Variants in DCC observed in about 807,000 individuals in gnomAD.
DCC encodes the protein DCC netrin 1 receptor.
DCC carries 58 observed loss-of-function variants against 172.5 expected under a neutral mutation model. That is an observed-to-expected ratio of 0.34 (90% CI 0.27 to 0.42). The LOEUF is 0.42. Among genes scored for constraint, DCC ranks in the 10% least tolerant of loss-of-function variants. The pLI, the probability that DCC is intolerant of heterozygous loss-of-function variation, is 1.00. For missense variants in DCC, 1,740 were observed against 1,791.0 expected (o/e 0.97, Z 0.51); for synonymous variants, 709 against 644.5 (o/e 1.10, Z -1.52).
At chr18:52,446,548 T>C (rs747346275) in intron 1 of DCC, among the ~76,000 whole-genome samples, 102 of 152,248 alleles carry the variant, frequency 6.7e-4, no homozygotes, top group Admixed American at 1.6e-3. Context: ...CTTTACTCTT[T>C]AGCAGATAAT....
At chr18:52,791,664 C>CA (rs1439309664) in intron 2 of DCC, among the ~76,000 whole-genome samples, 4 of 151,798 alleles carry the variant, frequency 2.6e-5, no homozygotes, top group Non-Finnish European at 4.4e-5. Context: ...CCTGACTCCT[C>CA]AAAAAATGTA....
rs2056770195 is a variant in DCC, at chr18:53,273,359, A to G, written c.1912-32219A>G. On this transcript the variant is annotated intron_variant, in intron 12 of 28. Transcript: ENST00000442544. ...ATATAATCATTCATATGTGTGTGCA[A>G]AATGACCTGATTCATCATGATTATA... 2.6e-5 allele frequency among the ~76,000 whole-genome samples: 4 copies of G among 152,138 alleles called. No individual in the cohort carries two copies. The South Asian group carries it at 8.3e-4, about 31-fold the overall frequency.
intron 2 of DCC, among the ~76,000 whole-genome samples, chr18:52,838,707 G>C (rs2038755248): frequency 6.6e-6 from 1 of 152,104 alleles, no homozygotes; most frequent in Non-Finnish European, 1.5e-5. Flanking sequence ...TGGAGAAATG[G>C]TTGCAACAGC....
At chr18:52,858,048 C>T (rs560790448) in intron 2 of DCC, among the ~76,000 whole-genome samples, 26 of 152,270 alleles carry the variant, frequency 1.7e-4, no homozygotes, top group African/African-American at 5.5e-4. Flanking sequence ...GAACCTCATC[C>T]TGATTTTCTA....
intron 22 of DCC, among the ~76,000 whole-genome samples, chr18:53,448,834 T>C (rs923395190): frequency 1.3e-5 from 2 of 152,132 alleles, no homozygotes; most frequent in African/African-American, 4.8e-5. Context: ...GCATGGGTGA[T>C]AGAGCAAGAC....
chr18:52,581,229 G>C (rs960310769), intron 1 of DCC, among the ~76,000 whole-genome samples: 1 of 5,392 alleles, frequency 1.9e-4, no homozygotes, highest in Non-Finnish European at 7.3e-4. Context: ...TTTCTCATAT[G>C]TTTTAAGAGT....
chr18:52,526,365 C>T (rs1035897475), intron 1 of DCC, among the ~76,000 whole-genome samples: 1 of 152,132 alleles, frequency 6.6e-6, no homozygotes, highest in Non-Finnish European at 1.5e-5. Context: ...CCAACAAAAT[C>T]AGTGACAGCA....
At position 53,269,192 on chromosome 18, in the gene DCC, G is replaced by T. The variant is rs143951473; in HGVS notation, c.1912-36386G>T. Among the ~76,000 whole-genome samples, 653 of 152,190 alleles carry T rather than the reference G, an allele frequency of 4.3e-3. 3 individuals carry two copies. The highest frequency in any genetic ancestry group is 7.0e-3 in the Non-Finnish European group (476 of 68,016). On this transcript the variant is annotated intron_variant, in intron 12 of 28. Coordinates refer to ENST00000442544, the MANE Select transcript of DCC (RefSeq NM_005215.4). ...TTCTTTTAGCTTGCTTGACTGGAAT[G>T]ATAAAATAACTAGCGTATTCTTTAT...
At chr18:52,980,700 TAATA>T (rs1425331047) in intron 5 of DCC, among the ~76,000 whole-genome samples, 1 of 152,196 alleles carries the variant, frequency 6.6e-6, no homozygotes, top group Non-Finnish European at 1.5e-5. Flanking sequence ...TTTCTTAAAC[TAATA>T]AATGCTCACT....
At chr18:52,859,249 T>C (rs2039097952) in intron 2 of DCC, among the ~76,000 whole-genome samples, 2 of 152,186 alleles carry the variant, frequency 1.3e-5, no homozygotes, top group South Asian at 4.1e-4. Context: ...TGTTATCTGA[T>C]GCTTTGTTGA....
At position 53,532,605 on chromosome 18, in the gene DCC, C is replaced by T. The variant is rs540277684; in HGVS notation, c.*1952C>T. Reference sequence around the variant, plus strand: ...TGAATTATTCAGAAATAATCCATTACTTCAAAAAAGAAAATATTCATTGGG... The same window carrying T: ...TGAATTATTCAGAAATAATCCATTATTTCAAAAAAGAAAATATTCATTGGG... On this transcript the variant is annotated 3_prime_UTR_variant, in exon 29 of 29. Transcript: ENST00000442544. The T allele has an allele frequency of 2.6e-5, 4 of 152,266 alleles. No homozygotes were observed. The highest frequency in any genetic ancestry group is 9.6e-5 in the African/African-American group (4 of 41,574). The allele number at this position is 152,266 out of a possible 1,614,324, so 9.4% of individuals were successfully genotyped here. A position where few individuals can be genotyped will look rare whatever the true frequency, so the allele number is the denominator to read the frequency against.
At chr18:52,445,139 A>G (rs113710014) in intron 1 of DCC, among the ~76,000 whole-genome samples, 3,136 of 152,254 alleles carry the variant, frequency 0.021, 95 homozygotes, top group African/African-American at 0.069. Flanking sequence ...AAGAAAAACA[A>G]TCAACCTGAA....
intron 5 of DCC, among the ~76,000 whole-genome samples, chr18:53,044,843 T>C (rs972451290): frequency 1.3e-5 from 2 of 151,880 alleles, no homozygotes; most frequent in Non-Finnish European, 2.9e-5. Flanking sequence ...GTTACATTTT[T>C]GTTAAAGGCA....
chr18:53,224,413 G>C (rs1413508434), intron 12 of DCC, among the ~76,000 whole-genome samples: 1 of 152,188 alleles, frequency 6.6e-6, no homozygotes, highest in Non-Finnish European at 1.5e-5. Flanking sequence ...GGGCTTTGTA[G>C]GGTGTGATAA....
At chr18:53,448,625 G>C (rs2045367046) in intron 22 of DCC, among the ~76,000 whole-genome samples, 1 of 152,180 alleles carries the variant, frequency 6.6e-6, no homozygotes, top group Non-Finnish European at 1.5e-5. Context: ...TTGGGAGACT[G>C]AGGCTGGCAG....
chr18:52,873,369 AATATGTAGGAAATAC>A (rs2039352298), intron 2 of DCC, among the ~76,000 whole-genome samples: 1 of 152,238 alleles, frequency 6.6e-6, no homozygotes, highest in African/African-American at 2.4e-5. Context: ...AAATAGAGCC[AATATGTAGGAAATAC>A]AGACATATCA....
intron 5 of DCC, 78 bp from the exon 6 acceptor site, chr18:53,063,227 A>T: frequency 7.6e-7 from 1 of 1,315,532 alleles, no homozygotes; most frequent in Non-Finnish European, 1.1e-6. Context: ...GCAGTGTTTT[A>T]AACTCAGTGA....
intron 1 of DCC, among the ~76,000 whole-genome samples, chr18:52,427,051 T>A (rs972927769): frequency 6.6e-6 from 1 of 152,132 alleles, no homozygotes; most frequent in South Asian, 2.1e-4. Flanking sequence ...TTCAAGATCA[T>A]AGAACAACTT....
At chr18:53,159,316 T>C (rs1233972909) in intron 8 of DCC, among the ~76,000 whole-genome samples, 4 of 152,172 alleles carry the variant, frequency 2.6e-5, no homozygotes, top group Non-Finnish European at 4.4e-5. Flanking sequence ...TCCATCCCCG[T>C]TGACCAAGCA....
Sources: allele counts gnomAD v4.1 joint callset (sites outside exome capture counted in the v4.1 genomes callset), GRCh38; gene constraint gnomAD v4.1.1; transcripts MANE v1.5; gene names NCBI Gene and HGNC (gene_info 2026-07-23, HGNC 2026-07-21).